Variants in KCNJ12 observed in about 807,000 individuals in gnomAD.
KCNJ12 encodes ATP-sensitive inward rectifier potassium channel 12.
Under a neutral mutation model 22.3 loss-of-function variants are expected in KCNJ12, and 2 were observed. That is an observed-to-expected ratio of 0.09 (90% CI 0.04 to 0.28). The LOEUF (loss-of-function observed/expected upper bound fraction) is 0.28. KCNJ12 is among the 10% of genes least tolerant of loss of function. The pLI is 1.00. For missense variants in KCNJ12, 155 were observed against 633.3 expected (o/e 0.24, Z 8.11); for synonymous variants, 117 against 261.4 (o/e 0.45, Z 5.33).
intron 1 of KCNJ12, among the ~76,000 whole-genome samples, chr17:21,387,629 C>T (rs1471817038): frequency 5.3e-5 from 8 of 151,902 alleles, no homozygotes; most frequent in Non-Finnish European, 1.0e-4. Flanking sequence ...CTTCCCCTGT[C>T]GGAGGGTGTG....
At chr17:21,392,883 A>G (rs1165976649) in intron 1 of KCNJ12, among the ~76,000 whole-genome samples, 3 of 152,170 alleles carry the variant, frequency 2.0e-5, no homozygotes, top group African/African-American at 7.2e-5. Context: ...TCTGAATTTC[A>G]TAGGCAGGGC....
chr17:21,402,208 C>G (rs1325792427), intron 1 of KCNJ12, among the ~76,000 whole-genome samples: 1 of 152,304 alleles, frequency 6.6e-6, no homozygotes, highest in Admixed American at 6.5e-5. Flanking sequence ...GGCTACAGTT[C>G]CCACTTGAAG....
In KCNJ12 at chr17:21,418,823, A is replaced by C. The variant is rs1466999445; in HGVS notation, c.*2179A>C. On this transcript the variant is annotated 3_prime_UTR_variant, in exon 3 of 3. Transcript: ENST00000583088. ...ATGGCCATGCTGAGGGACAGTGGTG[A>C]CCCTGGTCACTTGGTGCTGGTGTAG... The C allele has an allele frequency of 1.2e-5, 2 of 167,082 alleles. No individual in the cohort carries two copies. Among genetic ancestry groups the C allele is most frequent in the Non-Finnish European group, 2.9e-5 (2 of 68,348 alleles). The allele number at this position is 167,082 out of a possible 1,614,324, so 10.3% of individuals were successfully genotyped here. A position where few individuals can be genotyped will look rare whatever the true frequency, so the allele number is the denominator to read the frequency against.
chr17:21,396,034 C>A (rs1905351514), intron 1 of KCNJ12, among the ~76,000 whole-genome samples: 1 of 152,180 alleles, frequency 6.6e-6, no homozygotes, highest in African/African-American at 2.4e-5. Context: ...TCGGCTGGGC[C>A]ACAGCCCTGC....
chr17:21,416,673 C>T lies in KCNJ12; in HGVS notation c.*29C>T, dbSNP rs782693112. On this transcript the variant is annotated 3_prime_UTR_variant, in exon 3 of 3. Transcript: ENST00000583088. ...AACCTTGGCCGACATGCAGCATCCA[C>T]CCCCGGCTGGGGAGAGGCCCCGCGG... is the stretch of plus-strand genomic sequence containing the variant. The T allele has an allele frequency of 1.3e-6, 2 of 1,557,690 alleles. No homozygotes were observed. Among genetic ancestry groups the T allele is most frequent in the African/African-American group, 1.4e-5 (1 of 73,496 alleles).
intron 2 of KCNJ12, among the ~76,000 whole-genome samples, chr17:21,414,929 G>A (rs1388961196): frequency 6.6e-6 from 1 of 152,308 alleles, no homozygotes; most frequent in Non-Finnish European, 1.5e-5. Flanking sequence ...AGACTGGGGG[G>A]CCATGGGCAG....
At chr17:21,385,871 G>A (rs1483909963) in intron 1 of KCNJ12, among the ~76,000 whole-genome samples, 3 of 152,222 alleles carry the variant, frequency 2.0e-5, no homozygotes, top group African/African-American at 7.2e-5. Flanking sequence ...AGTGGGTGGG[G>A]AGCAGGAACC....
intron 1 of KCNJ12, among the ~76,000 whole-genome samples, chr17:21,398,421 C>T (rs1319100155): frequency 2.6e-5 from 4 of 152,220 alleles, no homozygotes; most frequent in Non-Finnish European, 4.4e-5. Flanking sequence ...TGGCAGCCCC[C>T]GTGGCCAGCA....
At chr17:21,396,540 G>A (rs537979203) in intron 1 of KCNJ12, among the ~76,000 whole-genome samples, 7 of 152,268 alleles carry the variant, frequency 4.6e-5, no homozygotes, top group East Asian at 3.9e-4. Context: ...GTGCCTGGCC[G>A]GGGTTCTAGC....
chr17:21,412,637 C>G (rs1176515859), intron 2 of KCNJ12, among the ~76,000 whole-genome samples: 1 of 152,300 alleles, frequency 6.6e-6, no homozygotes, highest in Non-Finnish European at 1.5e-5. Flanking sequence ...AGGGGTCCCC[C>G]CTGCTGCCGG....
intron 1 of KCNJ12, among the ~76,000 whole-genome samples, chr17:21,403,685 G>A (rs1456086548): frequency 1.3e-5 from 2 of 152,280 alleles, no homozygotes; most frequent in African/African-American, 4.8e-5. Context: ...GCAGGGTGAG[G>A]CAGAGGCTCA....
chr17:21,388,587 G>C (rs556262820), intron 1 of KCNJ12, among the ~76,000 whole-genome samples: 1 of 152,324 alleles, frequency 6.6e-6, no homozygotes, highest in East Asian at 1.9e-4. Flanking sequence ...AGCAGCCTGT[G>C]GTGTCACCGG....
At chr17:21,401,025 C>T (rs1905591089) in intron 1 of KCNJ12, among the ~76,000 whole-genome samples, 1 of 152,416 alleles carries the variant, frequency 6.6e-6, no homozygotes, top group Non-Finnish European at 1.5e-5. Context: ...AGGTTGAAGG[C>T]GGGGAAGTTG....
At chr17:21,395,713 A>G (rs911028946) in intron 1 of KCNJ12, among the ~76,000 whole-genome samples, 2 of 152,242 alleles carry the variant, frequency 1.3e-5, no homozygotes, top group Admixed American at 6.5e-5. Flanking sequence ...CCTCATGACA[A>G]TCACATCATA....
chr17:21,413,120 G>A (rs1160514501), intron 2 of KCNJ12, among the ~76,000 whole-genome samples: 4 of 133,830 alleles, frequency 3.0e-5, no homozygotes, highest in African/African-American at 9.8e-5. Flanking sequence ...CTGTTGCTCA[G>A]GTGTTTGGAG....
chr17:21,409,069 G>A (rs75111362), intron 2 of KCNJ12, among the ~76,000 whole-genome samples: 58 of 152,374 alleles, frequency 3.8e-4, no homozygotes, highest in African/African-American at 1.3e-3. Context: ...TCTGGCTGGA[G>A]CGCATTTCCT....
At chr17:21,401,709 A>T (rs1905631631) in intron 1 of KCNJ12, among the ~76,000 whole-genome samples, 1 of 151,806 alleles carries the variant, frequency 6.6e-6, no homozygotes, top group African/African-American at 2.4e-5. Flanking sequence ...GACTTTAAGG[A>T]CTCTAGAGCA....
In KCNJ12 at chr17:21,387,412, A is replaced by C. The variant is rs543557062; in HGVS notation, c.-179+10499A>C. ...AGCCGAGATCGCGCCATAGCACTCC[A>C]GCCTGGCGACAGAGCGAGACTCTAT... On this transcript the variant is annotated intron_variant, in intron 1 of 2. Transcript: ENST00000583088. Among the ~76,000 whole-genome samples the C allele has an allele frequency of 4.4e-3, 628 of 141,170 alleles. 1 individual carries two copies. Among genetic ancestry groups the C allele is most frequent in the Non-Finnish European group, 6.8e-3 (450 of 66,454 alleles). 92.6% of individuals were successfully genotyped at this position (141,170 alleles called of 152,430 possible). A position where few individuals can be genotyped will look rare whatever the true frequency, so the allele number is the denominator to read the frequency against.
chr17:21,401,937 T>C (rs2142062935), intron 1 of KCNJ12, among the ~76,000 whole-genome samples: 1 of 152,292 alleles, frequency 6.6e-6, no homozygotes, highest in South Asian at 2.1e-4. Context: ...TGTTGAAGGA[T>C]GCATAGGAGT....
Sources: allele counts gnomAD v4.1 joint callset (sites outside exome capture counted in the v4.1 genomes callset), GRCh38; gene constraint gnomAD v4.1.1; transcripts MANE v1.5; gene names NCBI Gene and HGNC (gene_info 2026-07-23, HGNC 2026-07-21).